The following GNG7 variants were observed in gnomAD, a reference collection of about 807,000 sequenced individuals.
The protein encoded by GNG7 is guanine nucleotide-binding protein G(I)/G(S)/G(O) subunit gamma-7.
GNG7 carries 1 observed loss-of-function variant against 4.0 expected under a neutral mutation model. The observed-to-expected ratio is 0.25, with a 90% CI of 0.09 to 1.18. The LOEUF is 1.18. GNG7 is among the 50% of genes most tolerant of loss of function. The pLI, the probability that GNG7 is intolerant of heterozygous loss-of-function variation, is 0.50. For synonymous variants in GNG7, 34 were observed against 36.9 expected (o/e 0.92, Z 0.29); for missense variants, 86 against 91.9 (o/e 0.94, Z 0.26).
rs1981768094 is a variant in GNG7 at position 2,618,026 on chromosome 19, C to G, written c.-78+28198G>C. Among the ~76,000 whole-genome samples, 1 of 151,996 alleles carries G rather than the reference C, an allele frequency of 6.6e-6. No homozygotes were observed. The highest frequency in any genetic ancestry group is 1.5e-5 in the Non-Finnish European group (1 of 68,008). ...TGACTATTTCCTTATCTTCTAAGAC[C>G]CTCTGTTTGGTTTGCCAGTGTGTCT... On this transcript the variant is annotated intron_variant, in intron 2 of 4. Coordinates refer to ENST00000382159, the MANE Select transcript of GNG7 (RefSeq NM_052847.3). The surrounding 1 kb of genome is among the most constrained non-coding windows in gnomAD (Gnocchi z 5.1).
At chr19:2,534,013 A>T (rs1423852794) in intron 3 of GNG7, among the ~76,000 whole-genome samples, 1 of 152,226 alleles carries the variant, frequency 6.6e-6, no homozygotes, top group East Asian at 1.9e-4. Context: ...TTTTTATTAT[A>T]TAATTTTGGT....
chr19:2,644,689 C>T (rs1982619328), intron 2 of GNG7, among the ~76,000 whole-genome samples: 1 of 152,018 alleles, frequency 6.6e-6, no homozygotes, highest in Non-Finnish European at 1.5e-5. Context: ...ATCGGCCCGT[C>T]CTGAACCTTT....
intron 1 of GNG7, among the ~76,000 whole-genome samples, chr19:2,686,305 C>A (rs1435515441): frequency 2.0e-5 from 3 of 152,032 alleles, no homozygotes; most frequent in South Asian, 2.1e-4. Context: ...TTACAGGCAC[C>A]CGCCACCACG....
chr19:2,687,759 T>C (rs1045467911), intron 1 of GNG7, among the ~76,000 whole-genome samples: 3 of 126,226 alleles, frequency 2.4e-5, no homozygotes, highest in Non-Finnish European at 5.1e-5. Context: ...GCAGATCACA[T>C]GGTCAGGAGT....
chr19:2,575,751 A>T (rs1980304674), intron 2 of GNG7, among the ~76,000 whole-genome samples: 1 of 120,648 alleles, frequency 8.3e-6, no homozygotes, highest in Non-Finnish European at 1.7e-5. Flanking sequence ...ACGCAGGCAC[A>T]CGCAGACACG....
In GNG7 at chr19:2,571,588, C is replaced by CTTTTTTTT. The variant is rs779497111; in HGVS notation, c.-77-16408_-77-16401dup. On this transcript the variant is annotated intron_variant, in intron 2 of 4. Coordinates refer to ENST00000382159, the MANE Select transcript of GNG7 (RefSeq NM_052847.3). ...GGTCACTTTTCTTTTCATTTCTTTC[C>CTTTTTTTT]TTTTTTTTTTTTTTTTTTTTTTTTT... Among the ~76,000 whole-genome samples the CTTTTTTTT allele has an allele frequency of 1.3e-3, 86 of 68,016 alleles. 1 individual carries two copies. Among genetic ancestry groups the CTTTTTTTT allele is most frequent in the African/African-American group, 1.4e-3 (21 of 15,414 alleles). 44.6% of individuals were successfully genotyped at this position (68,016 alleles called of 152,430 possible).
chr19:2,577,211 A>T (rs1980368176), intron 2 of GNG7, among the ~76,000 whole-genome samples: 1 of 152,156 alleles, frequency 6.6e-6, no homozygotes, highest in African/African-American at 2.4e-5. Flanking sequence ...TGGGGTCAGG[A>T]GTCCGGGAAC....
chr19:2,559,672 G>A (rs1385967548), intron 2 of GNG7, among the ~76,000 whole-genome samples: 1 of 143,748 alleles, frequency 7.0e-6, no homozygotes, highest in East Asian at 2.0e-4. Flanking sequence ...GCACCGCCAT[G>A]CCCAGCTAAT....
At chr19:2,647,194 C>G (rs1982688118) in intron 1 of GNG7, among the ~76,000 whole-genome samples, 1 of 152,230 alleles carries the variant, frequency 6.6e-6, no homozygotes, top group Non-Finnish European at 1.5e-5. Context: ...TTGCCTCCCT[C>G]TGGAGCCTGG....
intron 1 of GNG7, among the ~76,000 whole-genome samples, chr19:2,691,205 CT>C (rs1445707920): frequency 6.6e-6 from 1 of 152,150 alleles, no homozygotes; most frequent in Non-Finnish European, 1.5e-5. Flanking sequence ...AAAAACCCAA[CT>C]GTATCTTTGT....
At chr19:2,522,200 G>T (rs1274385434) in intron 3 of GNG7, among the ~76,000 whole-genome samples, 1 of 152,094 alleles carries the variant, frequency 6.6e-6, no homozygotes, top group Non-Finnish European at 1.5e-5. Context: ...CCGCTCCAGG[G>T]AACGATCCAG....
At chr19:2,598,813 G>T (rs1981113742) in intron 2 of GNG7, among the ~76,000 whole-genome samples, 1 of 151,874 alleles carries the variant, frequency 6.6e-6, no homozygotes, top group Non-Finnish European at 1.5e-5. Flanking sequence ...GAGCCACTAG[G>T]AAAAGGATGT....
At chr19:2,607,562 T>TAAA (rs57077280) in intron 2 of GNG7, among the ~76,000 whole-genome samples, 2,597 of 110,424 alleles carry the variant, frequency 0.024, 106 homozygotes, top group African/African-American at 0.091. Context: ...ACTAAAATGG[T>TAAA]AAAAAAAAAA....
At chr19:2,656,535 G>C (rs755837074) in intron 1 of GNG7, among the ~76,000 whole-genome samples, 1 of 152,128 alleles carries the variant, frequency 6.6e-6, no homozygotes, top group Non-Finnish European at 1.5e-5. Flanking sequence ...AGGAGGCGGG[G>C]GTTGCAGTGC....
intron 2 of GNG7, among the ~76,000 whole-genome samples, chr19:2,641,056 G>C (rs774820862): frequency 6.6e-6 from 1 of 152,220 alleles, no homozygotes; most frequent in Non-Finnish European, 1.5e-5. Context: ...CTGGCAGATG[G>C]TCCCCAGAGG....
At chr19:2,559,908 G>C (rs1979688838) in intron 2 of GNG7, among the ~76,000 whole-genome samples, 3 of 152,072 alleles carry the variant, frequency 2.0e-5, no homozygotes, top group Admixed American at 6.6e-5. Context: ...TCACCTACCA[G>C]TTCCTCCACG....
rs201930350 is a variant in GNG7 at position 2,568,507 on chromosome 19, CTG to C, written c.-77-13321_-77-13320del. Among the ~76,000 whole-genome samples the C allele has an allele frequency of 9.8e-3, 1,487 of 151,404 alleles. 19 individuals carry two copies. The highest frequency in any genetic ancestry group is 0.014 in the Non-Finnish European group (930 of 67,796). ...AGACTTACGCACATACACAGGGTCT[CTG>C]TGTGTGCACATACACGTGCACATAT... On this transcript the variant is annotated intron_variant, in intron 2 of 4. Coordinates refer to ENST00000382159, the MANE Select transcript of GNG7 (RefSeq NM_052847.3).
intron 1 of GNG7, among the ~76,000 whole-genome samples, chr19:2,647,952 C>T (rs1441621765): frequency 2.9e-5 from 4 of 139,346 alleles, no homozygotes; most frequent in East Asian, 2.3e-4. Flanking sequence ...CGTTTGAACC[C>T]GGGAGGCGGA....
chr19:2,586,261 G>A (rs1017735734), intron 2 of GNG7, among the ~76,000 whole-genome samples: 6 of 152,170 alleles, frequency 3.9e-5, no homozygotes, highest in East Asian at 3.9e-4. Flanking sequence ...AGCTTTGCCC[G>A]CCCCAGCCCA....
Sources: gnomAD v4.1 joint callset for allele counts (sites outside exome capture counted in the v4.1 genomes callset) on GRCh38, gnomAD v4.1.1 for gene constraint, Gnocchi (gnomAD v3.1) non-coding constraint, MANE v1.5 for transcripts, NCBI Gene and HGNC (gene_info 2026-07-23, HGNC 2026-07-21) for gene names.